SLIT2: variants seen among roughly 807,000 people sequenced by gnomAD.
SLIT2 encodes the protein slit homolog 2 protein.
In SLIT2, 41 loss-of-function variants were observed where a neutral mutation model predicts 185.7. That is an observed-to-expected ratio of 0.22 (90% CI 0.17 to 0.29). The LOEUF (loss-of-function observed/expected upper bound fraction) is 0.29. Ranked by LOEUF, SLIT2 falls within the 10% of genes least tolerant of loss-of-function variation. The pLI, the probability that SLIT2 is intolerant of heterozygous loss-of-function variation, is 1.00. For missense variants in SLIT2, 1,571 were observed against 1,909.0 expected (o/e 0.82, Z 3.30); for synonymous variants, 693 against 680.2 (o/e 1.02, Z -0.29).
chr4:20,546,182 T>C, intron 22 of SLIT2, 83 bp downstream of exon 22: 1 of 701,614 alleles, frequency 1.4e-6, no homozygotes, highest in Non-Finnish European at 2.4e-6. Flanking sequence ...TTAGTGAACC[T>C]TCCAGATAAT....
intron 4 of SLIT2, among the ~76,000 whole-genome samples, chr4:20,291,180 T>C (rs1715777490): frequency 6.6e-6 from 1 of 152,144 alleles, no homozygotes; most frequent in Non-Finnish European, 1.5e-5. Context: ...AATGAATTAA[T>C]AAATGCATGT....
intron 6 of SLIT2, among the ~76,000 whole-genome samples, chr4:20,485,554 G>A (rs1235203149): frequency 6.6e-6 from 1 of 152,066 alleles, no homozygotes; most frequent in African/African-American, 2.4e-5. Flanking sequence ...AGTAAACAAA[G>A]GTGAATATGC....
At chr4:20,496,918 T>C (rs1718275291) in intron 9 of SLIT2, among the ~76,000 whole-genome samples, 1 of 152,180 alleles carries the variant, frequency 6.6e-6, no homozygotes, top group South Asian at 2.1e-4. Flanking sequence ...AAACTGGTAA[T>C]TTTTAAGCAT....
In SLIT2 at chr4:20,593,392, C is replaced by T. The variant is rs187735582; in HGVS notation, c.3183-2305C>T. On this transcript the variant is annotated intron_variant, in intron 30 of 36. Coordinates refer to ENST00000504154, the MANE Select transcript of SLIT2 (RefSeq NM_004787.4). ...AGGCCAGACATAGTAAGACAAATAC[C>T]GGATGATCTCACCTATATGTGGAAT... is the stretch of plus-strand genomic sequence containing the variant. Among the ~76,000 whole-genome samples the T allele has an allele frequency of 1.7e-3, 251 of 151,966 alleles. 1 individual carries two copies. Among genetic ancestry groups the T allele is most frequent in the Non-Finnish European group, 2.7e-3 (184 of 67,960 alleles).
Position 20,617,130 on chromosome 4 carries a change from C to T in SLIT2, c.4068C>T (p.Cys1356=), listed in dbSNP as rs780949694. Reference sequence around the variant, plus strand: ...CCAGCAGCCAGGCAGGCTTCACCTGCGAGTGCCAGGAAGGATGGATGGGGC... The same window carrying T: ...CCAGCAGCCAGGCAGGCTTCACCTGTGAGTGCCAGGAAGGATGGATGGGGC... The part of the protein sequence containing the change: ...CQPSSQAGFT[C]ECQEGWMGPL... Residue 1356 remains cysteine, a synonymous_variant, in exon 35 of 37, where the codon TGC becomes TGT. Transcript: ENST00000504154. 13 of 1,609,698 alleles carry T rather than the reference C, an allele frequency of 8.1e-6. No homozygotes were observed. Among genetic ancestry groups the T allele is most frequent in the Admixed American group, 1.7e-5 (1 of 59,936 alleles).
chr4:20,394,052 G>T (rs1725678482), intron 4 of SLIT2, among the ~76,000 whole-genome samples: 1 of 151,940 alleles, frequency 6.6e-6, no homozygotes, highest in South Asian at 2.1e-4. Context: ...TGACTTAGTT[G>T]CATTAGCATC....
chr4:20,454,206 G>T (rs546987621), intron 4 of SLIT2, among the ~76,000 whole-genome samples: 1 of 152,248 alleles, frequency 6.6e-6, no homozygotes, highest in Admixed American at 6.5e-5. Context: ...TGTGGTACCT[G>T]ATTATTCTAT....
chr4:20,475,260 C>T (rs2148767743), intron 5 of SLIT2, among the ~76,000 whole-genome samples: 1 of 152,004 alleles, frequency 6.6e-6, no homozygotes, highest in Admixed American at 6.6e-5. Flanking sequence ...AGGAAATACC[C>T]ACTTTATTTT....
At chr4:20,304,332 A>G (rs1266057863) in intron 4 of SLIT2, among the ~76,000 whole-genome samples, 2 of 152,198 alleles carry the variant, frequency 1.3e-5, no homozygotes, top group African/African-American at 4.8e-5. Flanking sequence ...AAATTGGACT[A>G]TAAGGCAGTG....
chr4:20,281,125 A>G (rs927657944), intron 4 of SLIT2, among the ~76,000 whole-genome samples: 1 of 151,968 alleles, frequency 6.6e-6, no homozygotes, highest in Non-Finnish European at 1.5e-5. Context: ...GAGCCACTGC[A>G]CCCAGCTGGT....
chr4:20,566,118 G>A (rs1725070461), intron 26 of SLIT2, among the ~76,000 whole-genome samples: 1 of 151,988 alleles, frequency 6.6e-6, no homozygotes, highest in South Asian at 2.1e-4. Flanking sequence ...TTTGGTGAAG[G>A]CACCTTAGAA....
rs1441438570 is a variant in SLIT2, at chr4:20,569,055, G to T, written c.3088+51G>T. 1.4e-6 allele frequency: 2 copies of T among 1,463,222 alleles called. 1 individual carries two copies. Among genetic ancestry groups the T allele is most frequent in the South Asian group, 2.3e-5 (2 of 87,924 alleles). The allele number at this position is 1,463,222 out of a possible 1,614,324, so 90.6% of individuals were successfully genotyped here. On this transcript the variant is annotated intron_variant, in intron 29 of 36. Transcript: ENST00000504154. ...CTTCCATCAGTATATCTGTTTGAAA[G>T]CATCATTGGAACTATGTTATATATG...
chr4:20,544,747 CAG>C (rs905698182), intron 21 of SLIT2, among the ~76,000 whole-genome samples: 1 of 152,072 alleles, frequency 6.6e-6, no homozygotes, highest in Non-Finnish European at 1.5e-5. Flanking sequence ...TATTTTTAAT[CAG>C]TTCCATATAA....
chr4:20,393,112 C>T (rs573759348), intron 4 of SLIT2, among the ~76,000 whole-genome samples: 5 of 152,072 alleles, frequency 3.3e-5, no homozygotes, highest in South Asian at 2.1e-4. Context: ...TACCACATCA[C>T]GGGGTGACGG....
intron 4 of SLIT2, among the ~76,000 whole-genome samples, chr4:20,400,548 A>G (rs2109396384): frequency 6.6e-6 from 1 of 151,734 alleles, no homozygotes; most frequent in African/African-American, 2.4e-5. Flanking sequence ...TTTTTTTTCA[A>G]ATTAGTTCTT....
intron 4 of SLIT2, among the ~76,000 whole-genome samples, chr4:20,344,833 T>G (rs1054799189): frequency 2.6e-5 from 4 of 152,220 alleles, no homozygotes; most frequent in Non-Finnish European, 5.9e-5. Flanking sequence ...TCATGAGAGT[T>G]TCTTTCTGTT....
chr4:20,308,740 G>T (rs1311427187), intron 4 of SLIT2, among the ~76,000 whole-genome samples: 1 of 151,180 alleles, frequency 6.6e-6, no homozygotes, highest in African/African-American at 2.4e-5. Flanking sequence ...TAAAAATGTT[G>T]GTAAAGCAAT....
At chr4:20,338,968 C>A (rs1720737866) in intron 4 of SLIT2, among the ~76,000 whole-genome samples, 1 of 151,078 alleles carries the variant, frequency 6.6e-6, no homozygotes. Context: ...TGGCGTGTGC[C>A]TGTAGTCCTA....
At chr4:20,506,750 A>G (rs1039776684) in intron 9 of SLIT2, among the ~76,000 whole-genome samples, 1 of 152,002 alleles carries the variant, frequency 6.6e-6, no homozygotes, top group Non-Finnish European at 1.5e-5. Context: ...TAAATAAGAG[A>G]GAACAGACAT....
Sources: gnomAD v4.1 joint callset for allele counts (sites outside exome capture counted in the v4.1 genomes callset) on GRCh38, gnomAD v4.1.1 for gene constraint, MANE v1.5 for transcripts, NCBI Gene and HGNC (gene_info 2026-07-23, HGNC 2026-07-21) for gene names.